ANXA5: variants seen among roughly 807,000 people sequenced by gnomAD.
ANXA5 encodes the protein annexin A5.
A neutral mutation model predicts 48.1 loss-of-function variants in ANXA5; 40 were observed. The ratio of observed to expected loss-of-function variants is 0.83; its 90% confidence interval spans 0.65 to 1.08. The LOEUF (loss-of-function observed/expected upper bound fraction) is 1.08, where lower values mean the gene tolerates loss of function less well. ANXA5 is among the 50% of genes least tolerant of loss of function. The probability of loss-of-function intolerance (pLI) is 0.00; values close to 1 mark genes in which losing one functional copy is unlikely to be tolerated. For synonymous variants in ANXA5, 113 were observed against 129.1 expected, an observed-to-expected ratio of 0.88 and a Z score of 0.85; for missense variants, 357 against 376.8, an observed-to-expected ratio of 0.95 and a Z score of 0.44.
chr4:121,676,800 C>T (rs888645803), intron 8 of ANXA5, among the ~76,000 whole-genome samples: 6 of 152,012 alleles, frequency 3.9e-5, no homozygotes, highest in Non-Finnish European at 5.9e-5. Context: ...GCAGAGAGAG[C>T]ATGTGAGAGA....
Position 121,696,561 on chromosome 4 carries a change from TG to T in ANXA5, c.9+19del, listed in dbSNP as rs760501415. On this transcript the variant is annotated intron_variant, in intron 2 of 12. Transcript: ENST00000296511. Reference sequence around the variant, plus strand: ...AAAGTTGTGGGTAAATCCAGCGCAGTGGGGGGCGCACGGCCTTACCTGTGCC... The same window carrying T: ...AAAGTTGTGGGTAAATCCAGCGCAGTGGGGGCGCACGGCCTTACCTGTGCC... The T allele has an allele frequency of 4.3e-6, 6 of 1,394,636 alleles. No homozygotes were observed. Among genetic ancestry groups the T allele is most frequent in the South Asian group, 3.8e-5 (2 of 52,578 alleles). 86.4% of individuals were successfully genotyped at this position (1,394,636 alleles called of 1,614,324 possible). A position where few individuals can be genotyped will look rare whatever the true frequency, so the allele number is the denominator to read the frequency against.
chr4:121,673,921 C>A (rs1312748221), intron 8 of ANXA5, among the ~76,000 whole-genome samples: 1 of 151,806 alleles, frequency 6.6e-6, no homozygotes. Context: ...GTGGCTCATG[C>A]CTGTAATCCC....
At chr4:121,689,118 TAAGATTTGAG>T in intron 2 of ANXA5, among the ~76,000 whole-genome samples, 1 of 152,334 alleles carries the variant, frequency 6.6e-6, no homozygotes, top group East Asian at 1.9e-4. Context: ...GAGAAATTGA[TAAGATTTGAG>T]AAGATGATGC....
At chr4:121,693,584 G>C (rs776059194) in intron 2 of ANXA5, among the ~76,000 whole-genome samples, 6 of 152,192 alleles carry the variant, frequency 3.9e-5, no homozygotes, top group Non-Finnish European at 5.9e-5. Context: ...CACCTATGTA[G>C]GCCTTCCAAG....
chr4:121,692,742 T>C (rs952483016), intron 2 of ANXA5, among the ~76,000 whole-genome samples: 3 of 152,188 alleles, frequency 2.0e-5, no homozygotes, highest in Non-Finnish European at 2.9e-5. Context: ...GAAACAAAAA[T>C]AGTAATACCT....
rs998160544 is a variant in ANXA5, at chr4:121,694,110, A to T, written c.9+2471T>A. On this transcript the variant is annotated intron_variant, in intron 2 of 12. Coordinates refer to ENST00000296511, the MANE Select transcript of ANXA5 (RefSeq NM_001154.4). ...CCGGGGCCTATTGTGGGCGGGGGGGAGGGGGGAGGGATAGCATTAGGAGAT... is the reference window on the plus strand; with the variant it reads ...CCGGGGCCTATTGTGGGCGGGGGGGTGGGGGGAGGGATAGCATTAGGAGAT... Among the ~76,000 whole-genome samples the T allele has an allele frequency of 8.6e-4, 6 of 6,976 alleles. 1 individual carries two copies. The highest frequency in any genetic ancestry group is 4.6e-3 in the South Asian group (1 of 218). The allele number at this position is 6,976 out of a possible 152,430, so 4.6% of individuals were successfully genotyped here. A position where few individuals can be genotyped will look rare whatever the true frequency, so the allele number is the denominator to read the frequency against.
intron 9 of ANXA5, among the ~76,000 whole-genome samples, chr4:121,672,136 A>G (rs569454436): frequency 1.3e-5 from 2 of 152,314 alleles, no homozygotes; most frequent in East Asian, 3.9e-4. Flanking sequence ...TAAAGCCACT[A>G]TTAGGGTTCT....
chr4:121,669,498 T>C, intron 12 of ANXA5, 104 bp downstream of exon 12: 2 of 1,432,542 alleles, frequency 1.4e-6, no homozygotes, highest in South Asian at 2.6e-5. Context: ...GTCACTAAAA[T>C]TTTAAACTTA....
intron 2 of ANXA5, among the ~76,000 whole-genome samples, chr4:121,696,134 A>AAGAAACTGCT (rs1279338081): frequency 6.6e-6 from 1 of 150,574 alleles, no homozygotes; most frequent in Non-Finnish European, 1.5e-5. Flanking sequence ...TCACAGTATT[A>AAGAAACTGCT]AAATACAGAA....
At chr4:121,683,530 C>T (rs1578445166) in intron 4 of ANXA5, 53 bp from the exon 5 acceptor site, 6 of 1,045,080 alleles carry the variant, frequency 5.7e-6, no homozygotes, top group South Asian at 5.3e-5. Flanking sequence ...TAATAAGATT[C>T]TTCTTAAATA....
chr4:121,687,947 C>A (rs971509913), intron 2 of ANXA5, among the ~76,000 whole-genome samples: 1 of 152,170 alleles, frequency 6.6e-6, no homozygotes, highest in African/African-American at 2.4e-5. Flanking sequence ...CTGTTATGAA[C>A]CGAATATCTG....
chr4:121,672,738 G>C, intron 8 of ANXA5, 112 bp from the exon 9 acceptor site: 1 of 737,784 alleles, frequency 1.4e-6, no homozygotes, highest in Non-Finnish European at 2.3e-6. Context: ...TCATCATCTT[G>C]TATTAATAGT....
intron 5 of ANXA5, among the ~76,000 whole-genome samples, chr4:121,683,069 T>C (rs1293078960): frequency 6.6e-6 from 1 of 152,052 alleles, no homozygotes; most frequent in Non-Finnish European, 1.5e-5. Context: ...GTAATATTTT[T>C]TAAACATCCT....
At chr4:121,691,133 T>A (rs967453471) in intron 2 of ANXA5, among the ~76,000 whole-genome samples, 1 of 151,978 alleles carries the variant, frequency 6.6e-6, no homozygotes, top group Non-Finnish European at 1.5e-5. Flanking sequence ...CATCCTCAAT[T>A]CCCTTTATCT....
chr4:121,683,467 TC>T lies in ANXA5; in HGVS notation c.199del (p.Asp67MetfsTer3). ...FKTLFGRDLL[D>X]DLKSELTGKF... Reference sequence around the variant, plus strand: ...TCCAGTTAGTTCTGATTTCAGGTCATCCAGAAGATCCTAACCCACAGAAAAT... The same window carrying T: ...TCCAGTTAGTTCTGATTTCAGGTCATCAGAAGATCCTAACCCACAGAAAAT... On this transcript the variant is annotated frameshift_variant, in exon 5 of 13. Transcript: ENST00000296511. LOFTEE classifies it high-confidence loss of function. 1 of 1,590,862 alleles carries T rather than the reference TC, an allele frequency of 6.3e-7. No individual in the cohort carries two copies. Among genetic ancestry groups the T allele is most frequent in the Non-Finnish European group, 8.6e-7 (1 of 1,160,464 alleles).
At chr4:121,673,949 A>G (rs1724653379) in intron 8 of ANXA5, among the ~76,000 whole-genome samples, 1 of 151,792 alleles carries the variant, frequency 6.6e-6, no homozygotes, top group Non-Finnish European at 1.5e-5. Context: ...TGGGACGCTG[A>G]GGCAGGTGGA....
intron 6 of ANXA5, chr4:121,681,456 C>T (rs1724791451): frequency 2.4e-6 from 1 of 422,082 alleles, no homozygotes; most frequent in Non-Finnish European, 4.2e-6. Flanking sequence ...TCAGCAGTAG[C>T]TTCTTATAAA....
At chr4:121,693,392 G>A (rs1292093180) in intron 2 of ANXA5, among the ~76,000 whole-genome samples, 1 of 152,154 alleles carries the variant, frequency 6.6e-6, no homozygotes, top group African/African-American at 2.4e-5. Context: ...AAGGTCTTAG[G>A]AGCCCTAATT....
At chr4:121,692,144 C>T (rs576095541) in intron 2 of ANXA5, among the ~76,000 whole-genome samples, 1 of 152,230 alleles carries the variant, frequency 6.6e-6, no homozygotes, top group Admixed American at 6.5e-5. Context: ...TTCCATTTGT[C>T]TATCCATCCT....
Sources: allele counts gnomAD v4.1 joint callset (sites outside exome capture counted in the v4.1 genomes callset), GRCh38; gene constraint gnomAD v4.1.1; transcripts MANE v1.5; gene names NCBI Gene and HGNC (gene_info 2026-07-23, HGNC 2026-07-21).